SEMA3E: variants seen among roughly 807,000 people sequenced by gnomAD.
SEMA3E encodes semaphorin 3E, also known as semaphorin-3E.
A neutral mutation model predicts 93.6 loss-of-function variants in SEMA3E; 49 were observed. That is an observed-to-expected ratio of 0.52 (90% confidence interval 0.42 to 0.66). SEMA3E has a LOEUF of 0.66. SEMA3E is among the 30% of genes least tolerant of loss of function. The probability of loss-of-function intolerance (pLI) is 0.00; values close to 1 mark genes in which losing one functional copy is unlikely to be tolerated. For missense variants in SEMA3E, 906 were observed against 964.8 expected, an observed-to-expected ratio of 0.94 and a Z score of 0.81; for synonymous variants, 363 against 330.7, an observed-to-expected ratio of 1.10 and a Z score of -1.06.
chr7:83,627,446 T>C (rs983981193), intron 1 of SEMA3E, among the ~76,000 whole-genome samples: 1 of 151,816 alleles, frequency 6.6e-6, no homozygotes, highest in Non-Finnish European at 1.5e-5. Flanking sequence ...CTCTATTAGA[T>C]GCAGATATAT....
intron 1 of SEMA3E, among the ~76,000 whole-genome samples, chr7:83,513,321 T>A (rs909277648): frequency 1.3e-5 from 2 of 152,136 alleles, no homozygotes; most frequent in African/African-American, 4.8e-5. Flanking sequence ...CTTGACAAAT[T>A]TCCTGGACAG....
chr7:83,462,678 G>C (rs1380215796), intron 4 of SEMA3E, among the ~76,000 whole-genome samples: 1 of 151,224 alleles, frequency 6.6e-6, no homozygotes, highest in East Asian at 1.9e-4. Flanking sequence ...GCTTTAAAAA[G>C]ATTAAAGCCT....
Position 83,366,214 on chromosome 7 carries a change from T to G in SEMA3E, c.*1372A>C, listed in dbSNP as rs1178069768. 6.6e-6 allele frequency: 1 copy of G among 152,114 alleles called. No homozygotes were observed. Among genetic ancestry groups the G allele is most frequent in the African/African-American group, 2.4e-5 (1 of 41,458 alleles). 9.4% of individuals were successfully genotyped at this position (152,114 alleles called of 1,614,324 possible). A position where few individuals can be genotyped will look rare whatever the true frequency, so the allele number is the denominator to read the frequency against. ...TATCTAAATAAATGTTCATAATGGT[T>G]CTCCTGTGTAATCCACTTGCTTTCA... is the stretch of plus-strand genomic sequence containing the variant. On this transcript the variant is annotated 3_prime_UTR_variant, in exon 17 of 17. Transcript: ENST00000643230.
At chr7:83,513,800 G>C (rs1237786802) in intron 1 of SEMA3E, among the ~76,000 whole-genome samples, 1 of 152,074 alleles carries the variant, frequency 6.6e-6, no homozygotes, top group African/African-American at 2.4e-5. Context: ...TAAATGCCGT[G>C]CTATATTGAT....
chr7:83,419,716 C>A (rs866851098), intron 4 of SEMA3E, among the ~76,000 whole-genome samples: 6 of 151,996 alleles, frequency 3.9e-5, no homozygotes, highest in African/African-American at 1.2e-4. Flanking sequence ...TTTTGGCTTC[C>A]TGTATGTCTT....
At position 83,414,565 on chromosome 7, in the gene SEMA3E, T is replaced by C. The variant is rs114988082; in HGVS notation, c.550+3825A>G. Among the ~76,000 whole-genome samples the C allele has an allele frequency of 5.6e-3, 851 of 152,060 alleles. 5 individuals carry two copies. Among genetic ancestry groups the C allele is most frequent in the African/African-American group, 0.019 (809 of 41,526 alleles). ...TAGTTTTATTTGCTGAAAAAAGTAA[T>C]AGAAAAAAAGTGTAGGAAAAATTCA... On this transcript the variant is annotated intron_variant, in intron 5 of 16. Transcript: ENST00000643230.
intron 4 of SEMA3E, among the ~76,000 whole-genome samples, chr7:83,465,539 A>T (rs1789737409): frequency 1.3e-5 from 2 of 152,228 alleles, no homozygotes; most frequent in African/African-American, 4.8e-5. Context: ...ATAATATTTT[A>T]GTGGTGAAAT....
At chr7:83,422,096 G>A (rs898165737) in intron 4 of SEMA3E, among the ~76,000 whole-genome samples, 3 of 152,192 alleles carry the variant, frequency 2.0e-5, no homozygotes, top group African/African-American at 7.2e-5. Flanking sequence ...AGAATCGCTT[G>A]AACCTGGGAG....
intron 1 of SEMA3E, among the ~76,000 whole-genome samples, chr7:83,515,450 C>T (rs1312870273): frequency 6.6e-6 from 1 of 152,036 alleles, no homozygotes; most frequent in East Asian, 1.9e-4. Flanking sequence ...ATTTTCTTAA[C>T]CTGTTGCCTT....
At chr7:83,441,413 T>C (rs1484479113) in intron 4 of SEMA3E, among the ~76,000 whole-genome samples, 2 of 152,188 alleles carry the variant, frequency 1.3e-5, no homozygotes, top group African/African-American at 4.8e-5. Context: ...TATCAAAATG[T>C]ATGTTAGCAC....
At chr7:83,568,800 C>A (rs971672996) in intron 1 of SEMA3E, among the ~76,000 whole-genome samples, 3 of 151,978 alleles carry the variant, frequency 2.0e-5, no homozygotes, top group African/African-American at 7.2e-5. Flanking sequence ...ACCTTTTTCT[C>A]TAAGAACTGG....
chr7:83,595,323 TTTTAC>T (rs975738803), intron 1 of SEMA3E, among the ~76,000 whole-genome samples: 2 of 152,042 alleles, frequency 1.3e-5, no homozygotes, highest in East Asian at 1.9e-4. Flanking sequence ...ACACATTTCT[TTTTAC>T]TTTATTTTCA....
intron 4 of SEMA3E, among the ~76,000 whole-genome samples, chr7:83,430,929 T>C (rs1415486922): frequency 6.6e-6 from 1 of 151,790 alleles, no homozygotes; most frequent in Non-Finnish European, 1.5e-5. Context: ...AAGGAAGAAA[T>C]TTCAAAGACA....
chr7:83,375,791 T>C (rs1473245662), intron 16 of SEMA3E, among the ~76,000 whole-genome samples: 1 of 152,068 alleles, frequency 6.6e-6, no homozygotes, highest in Non-Finnish European at 1.5e-5. Flanking sequence ...AATATTCTCC[T>C]GGAAAATTAA....
Position 83,420,021 on chromosome 7 carries a change from T to G in SEMA3E, c.457-1538A>C, listed in dbSNP as rs186575210. On this transcript the variant is annotated intron_variant, in intron 4 of 16. Transcript: ENST00000643230. Reference sequence around the variant, plus strand: ...AGTCAAACGATCTCTCTTCACTGATTGATTCTATACCTAGAAAATTCTAAA... The same window carrying G: ...AGTCAAACGATCTCTCTTCACTGATGGATTCTATACCTAGAAAATTCTAAA... 1.6e-3 allele frequency among the ~76,000 whole-genome samples: 237 copies of G among 152,298 alleles called. 1 individual carries two copies. The Middle Eastern group carries it at 0.027, about 17-fold the overall frequency.
At chr7:83,466,330 C>T in intron 4 of SEMA3E, 152 bp downstream of exon 4, 1 of 880,304 alleles carries the variant, frequency 1.1e-6, no homozygotes, top group Non-Finnish European at 1.8e-6. Context: ...ATTTTAAAGG[C>T]CCAGAAAGAT....
chr7:83,535,885 G>A (rs1791403192), intron 1 of SEMA3E, among the ~76,000 whole-genome samples: 2 of 152,232 alleles, frequency 1.3e-5, no homozygotes, highest in African/African-American at 4.8e-5. Flanking sequence ...AAATAAAGGT[G>A]ATTTCCAAAA....
chr7:83,522,824 T>C (rs1219422747), intron 1 of SEMA3E, among the ~76,000 whole-genome samples: 5 of 152,134 alleles, frequency 3.3e-5, no homozygotes, highest in Admixed American at 3.3e-4. Context: ...GTTCAGTGTC[T>C]CATCCAAGAC....
At chr7:83,397,536 C>G (rs184798139) in intron 11 of SEMA3E, among the ~76,000 whole-genome samples, 8 of 152,054 alleles carry the variant, frequency 5.3e-5, no homozygotes, top group Non-Finnish European at 8.8e-5. Context: ...CAAGTATACA[C>G]CATTGAGAGA....
Sources: allele counts gnomAD v4.1 joint callset (sites outside exome capture counted in the v4.1 genomes callset), GRCh38; gene constraint gnomAD v4.1.1; transcripts MANE v1.5; gene names NCBI Gene and HGNC (gene_info 2026-07-23, HGNC 2026-07-21).